Variants in WASHC4 observed in about 807,000 individuals in gnomAD.
WASHC4 encodes the protein WASH complex subunit 7.
A neutral mutation model predicts 166.6 loss-of-function variants in WASHC4; 86 were observed. That is an observed-to-expected ratio of 0.52 (90% confidence interval 0.43 to 0.62). The LOEUF is 0.62. Among genes scored for constraint, WASHC4 ranks in the 20% least tolerant of loss-of-function variants. The probability of loss-of-function intolerance (pLI) is 0.00; values close to 1 mark genes in which losing one functional copy is unlikely to be tolerated. For missense variants in WASHC4, 1,262 were observed against 1,382.4 expected (o/e 0.91, Z 1.38); for synonymous variants, 446 against 451.6 (o/e 0.99, Z 0.16).
chr12:105,131,075 T>C (rs1881760942), intron 13 of WASHC4, among the ~76,000 whole-genome samples: 2 of 150,074 alleles, frequency 1.3e-5, no homozygotes, highest in South Asian at 4.1e-4. Flanking sequence ...TATTTATTTA[T>C]TTATTTATTT....
intron 22 of WASHC4, among the ~76,000 whole-genome samples, chr12:105,145,626 A>C (rs1408786973): frequency 6.6e-6 from 1 of 152,098 alleles, no homozygotes; most frequent in Admixed American, 6.5e-5. Context: ...TTAGGAATAC[A>C]AAGATAAATA....
At chr12:105,115,803 T>C in intron 6 of WASHC4, 75 bp downstream of exon 6, 1 of 917,960 alleles carries the variant, frequency 1.1e-6, no homozygotes, top group East Asian at 2.4e-5. Context: ...TAAAAAGTTC[T>C]GAAACCTTCA....
At chr12:105,127,076 T>G (rs1005366288) in intron 12 of WASHC4, 53 bp from the exon 13 acceptor site, 2 of 1,491,606 alleles carry the variant, frequency 1.3e-6, no homozygotes, top group African/African-American at 2.8e-5. Flanking sequence ...TTAAACAGCT[T>G]GTTGTTTAGC....
rs775943983 is a variant in WASHC4 at position 105,144,437 on chromosome 12, C to T, written c.2161C>T (p.Arg721Cys). Residue 721 changes from arginine to cysteine, a missense_variant, in exon 21 of 33, where the codon CGT becomes TGT. Transcript: ENST00000332180. ...FSLNPIRFFN[R>C]FIDIRAYVTH... Reference sequence around the variant, plus strand: ...TCTGAATCCAATTCGGTTTTTCAATCGTTTCATTGACATTCGGGGTGAGTG... The same window carrying T: ...TCTGAATCCAATTCGGTTTTTCAATTGTTTCATTGACATTCGGGGTGAGTG... 4.3e-6 allele frequency: 7 copies of T among 1,611,784 alleles called. No individual in the cohort carries two copies. Among genetic ancestry groups the T allele is most frequent in the Admixed American group, 1.7e-5 (1 of 59,832 alleles).
chr12:105,164,094 T>G lies in WASHC4; in HGVS notation c.3158-17T>G, dbSNP rs1425291473. 23 of 1,613,438 alleles carry G rather than the reference T, an allele frequency of 1.4e-5. No individual in the cohort carries two copies. The highest frequency in any genetic ancestry group is 2.0e-5 in the Non-Finnish European group (23 of 1,179,406). On this transcript the variant is annotated splice_polypyrimidine_tract_variant and intron_variant, in intron 30 of 32. Coordinates refer to ENST00000332180, the MANE Select transcript of WASHC4 (RefSeq NM_015275.3). ...GTACTCACTGTAATTTAACCTTAGT[T>G]TTGCTTATGCCTGCAGGTGTGGCTT...
At chr12:105,148,869 G>A (rs2135812712) in intron 24 of WASHC4, 6 of 985,362 alleles carry the variant, frequency 6.1e-6, no homozygotes, top group Non-Finnish European at 7.2e-6. Flanking sequence ...CCATCTGTAG[G>A]TTAGAATTAA....
At chr12:105,111,913 C>A (rs1170914982) in intron 2 of WASHC4, among the ~76,000 whole-genome samples, 1 of 152,158 alleles carries the variant, frequency 6.6e-6, no homozygotes, top group African/African-American at 2.4e-5. Flanking sequence ...ATATATCATA[C>A]AATTCACTCA....
intron 13 of WASHC4, among the ~76,000 whole-genome samples, chr12:105,128,917 A>G (rs1465417031): frequency 6.7e-6 from 1 of 150,010 alleles, no homozygotes; most frequent in East Asian, 1.9e-4. Context: ...AGCTGGGACT[A>G]CAGGTGCCTA....
chr12:105,156,342 C>CA (rs1884161206), intron 26 of WASHC4, among the ~76,000 whole-genome samples: 1 of 152,080 alleles, frequency 6.6e-6, no homozygotes, highest in Non-Finnish European at 1.5e-5. Flanking sequence ...TGGGAGGCAT[C>CA]AAATAAAGAT....
rs2135851326 is a variant in WASHC4 at position 105,166,911 on chromosome 12, G to T, written c.3502G>T (p.Ala1168Ser). 6.2e-7 allele frequency: 1 copy of T among 1,605,790 alleles called. No individual in the cohort carries two copies. Reference sequence around the variant, plus strand: ...AGACCTGTCTGACAGCACTGTGTCTGCTGATCCTGTTGTGAAATGATACGG... The same window carrying T: ...AGACCTGTCTGACAGCACTGTGTCTTCTGATCCTGTTGTGAAATGATACGG... The part of the protein sequence containing the change: ...NGDLSDSTVS[A>S]DPVVK The change falls in exon 33 of 33, where the codon GCT becomes TCT. Residue 1168 changes from alanine (A) to serine (S), a missense_variant. Ala to Ser is a moderately conservative substitution (Grantham distance 99). Coordinates refer to ENST00000332180, the MANE Select transcript of WASHC4 (RefSeq NM_015275.3).
At chr12:105,140,734 G>T (rs1882767951) in intron 16 of WASHC4, among the ~76,000 whole-genome samples, 165 bp from the exon 17 acceptor site, 10 of 152,046 alleles carry the variant, frequency 6.6e-5, no homozygotes, top group Admixed American at 6.5e-4. Context: ...CAGTACTAAG[G>T]GATCATATTA....
chr12:105,118,198 A>G (rs967420305), intron 6 of WASHC4, among the ~76,000 whole-genome samples: 15 of 152,218 alleles, frequency 9.9e-5, no homozygotes, highest in African/African-American at 3.4e-4. Context: ...TAACTACAAT[A>G]TTAGACTTGA....
In WASHC4 at chr12:105,111,075, G is replaced by A. The variant is rs763147384; in HGVS notation, c.62-50G>A. ...TGAGGTTATTTGAAGTAAATGTCCT[G>A]CAATTCATTACTTGCACTTATCACA... On this transcript the variant is annotated intron_variant, in intron 1 of 32. Transcript: ENST00000332180. The A allele has an allele frequency of 3.6e-6, 5 of 1,373,120 alleles. No homozygotes were observed. The East Asian group carries it at 9.2e-5, about 25-fold the overall frequency. The allele number at this position is 1,373,120 out of a possible 1,614,324, so 85.1% of individuals were successfully genotyped here. A position where few individuals can be genotyped will look rare whatever the true frequency, so the allele number is the denominator to read the frequency against.
intron 10 of WASHC4, among the ~76,000 whole-genome samples, chr12:105,124,667 G>C (rs1193750281): frequency 1.3e-5 from 2 of 152,020 alleles, no homozygotes; most frequent in East Asian, 1.9e-4. Flanking sequence ...TTTTAGTAGA[G>C]ACGAGGTTTC....
intron 7 of WASHC4, among the ~76,000 whole-genome samples, chr12:105,119,578 A>G (rs1880524666): frequency 6.6e-6 from 1 of 151,890 alleles, no homozygotes; most frequent in South Asian, 2.1e-4. Context: ...TATTTATTTT[A>G]TGTTCTGTCT....
Position 105,164,273 on chromosome 12 carries a change from A to G in WASHC4, c.3320A>G (p.Asn1107Ser), listed in dbSNP as rs1245420577. ...GATGAAAAACTCTTACAAACCATGA[A>G]TCTCACTCAGAAGCGACTGGATGTC... ...SQDEKLLQTM[N>S]LTQKRLDVYL... The change falls in exon 31 of 33, where the codon AAT (asparagine) becomes AGT (serine). Residue 1107 changes from asparagine to serine, a missense_variant. By Grantham distance (46) the Asn-to-Ser change is conservative. Transcript: ENST00000332180. 1.2e-6 allele frequency: 2 copies of G among 1,614,044 alleles called. No individual in the cohort carries two copies. Among genetic ancestry groups the G allele is most frequent in the Middle Eastern group, 1.7e-4 (1 of 6,056 alleles).
intron 14 of WASHC4, 101 bp from the exon 15 acceptor site, chr12:105,137,785 C>A: frequency 1.0e-6 from 1 of 953,470 alleles, no homozygotes; most frequent in Non-Finnish European, 1.6e-6. Flanking sequence ...ACTTTAGAAA[C>A]ATTAGTTATT....
intron 13 of WASHC4, among the ~76,000 whole-genome samples, chr12:105,128,695 G>A (rs1881511643): frequency 6.6e-6 from 1 of 152,034 alleles, no homozygotes; most frequent in Admixed American, 6.6e-5. Flanking sequence ...AATACTTCTG[G>A]TCCCAACCAT....
At chr12:105,129,779 G>A (rs576684766) in intron 13 of WASHC4, among the ~76,000 whole-genome samples, 7 of 152,340 alleles carry the variant, frequency 4.6e-5, no homozygotes, top group African/African-American at 1.7e-4. Context: ...TGTGGCTCCA[G>A]TAGGCTAAAC....
Sources: allele counts gnomAD v4.1 joint callset (sites outside exome capture counted in the v4.1 genomes callset), GRCh38; gene constraint gnomAD v4.1.1; transcripts MANE v1.5; gene names NCBI Gene and HGNC (gene_info 2026-07-23, HGNC 2026-07-21).